DNER: variants seen among roughly 807,000 people sequenced by gnomAD.
DNER encodes the protein delta and Notch-like epidermal growth factor-related receptor.
In DNER, 33 loss-of-function variants were observed where a neutral mutation model predicts 78.2. That is an observed-to-expected ratio of 0.42 (90% CI 0.32 to 0.56). DNER has a LOEUF of 0.56. Among genes scored for constraint, DNER ranks in the 20% least tolerant of loss-of-function variants. DNER has a pLI of 0.11. For missense variants in DNER, 918 were observed against 975.3 expected (o/e 0.94, Z 0.78); for synonymous variants, 417 against 384.8 (o/e 1.08, Z -0.98).
At chr2:229,635,078 G>A (rs1698504631) in intron 1 of DNER, among the ~76,000 whole-genome samples, 1 of 152,146 alleles carries the variant, frequency 6.6e-6, no homozygotes, top group South Asian at 2.1e-4. Flanking sequence ...CAGTCCATTT[G>A]TTCAAGGCAA....
intron 1 of DNER, among the ~76,000 whole-genome samples, chr2:229,683,177 A>G (rs1226385488): frequency 1.3e-5 from 2 of 152,212 alleles, no homozygotes; most frequent in Non-Finnish European, 2.9e-5. Flanking sequence ...GTTTTTACAC[A>G]TAACTTATGT....
intron 7 of DNER, among the ~76,000 whole-genome samples, chr2:229,456,668 C>T (rs1694580829): frequency 6.6e-6 from 1 of 151,986 alleles, no homozygotes; most frequent in African/African-American, 2.4e-5. Flanking sequence ...GTCCTGAAGT[C>T]ACCTCTATAG....
rs370711934 is a variant in DNER at position 229,455,389 on chromosome 2, A to C, written c.1262-7849T>G. Among the ~76,000 whole-genome samples, 7 of 152,084 alleles carry C rather than the reference A, an allele frequency of 4.6e-5. No individual in the cohort carries two copies. In the East Asian group the frequency reaches 5.8e-4, roughly 13 times the overall value. Reference sequence around the variant, plus strand: ...GACACATGTGGTCAATAAATGTCGGATTCTTTTCCCTTTAAACGGTGGTTC... The same window carrying C: ...GACACATGTGGTCAATAAATGTCGGCTTCTTTTCCCTTTAAACGGTGGTTC... On this transcript the variant is annotated intron_variant, in intron 7 of 12. Transcript: ENST00000341772.
chr2:229,571,506 C>T (rs556360090), intron 4 of DNER, among the ~76,000 whole-genome samples: 30 of 152,168 alleles, frequency 2.0e-4, no homozygotes, highest in African/African-American at 6.0e-4. Context: ...CTGCTCCCCA[C>T]GCCTTCTCTC....
intron 6 of DNER, among the ~76,000 whole-genome samples, chr2:229,496,902 G>A (rs1298738849): frequency 6.6e-6 from 1 of 152,104 alleles, no homozygotes; most frequent in Non-Finnish European, 1.5e-5. Context: ...TATACAGACA[G>A]AAAATCAATA....
At chr2:229,527,716 T>G (rs767569980) in intron 5 of DNER, among the ~76,000 whole-genome samples, 2 of 152,230 alleles carry the variant, frequency 1.3e-5, no homozygotes, top group South Asian at 2.1e-4. Context: ...AAGCAAAAAC[T>G]TCATAATAAC....
At chr2:229,472,831 A>G (rs1468941308) in intron 7 of DNER, among the ~76,000 whole-genome samples, 1 of 152,242 alleles carries the variant, frequency 6.6e-6, no homozygotes, top group African/African-American at 2.4e-5. Context: ...CCCAATATGA[A>G]CCTAGTAAAA....
chr2:229,562,260 C>G (rs1312666888), intron 4 of DNER, among the ~76,000 whole-genome samples: 1 of 152,088 alleles, frequency 6.6e-6, no homozygotes, highest in Admixed American at 6.5e-5. Context: ...TCAGCTACTA[C>G]TTAGAGTCAT....
rs150861082 is a variant in DNER at position 229,653,964 on chromosome 2, C to CATT, written c.276+60181_276+60183dup. 5.2e-3 allele frequency among the ~76,000 whole-genome samples: 788 copies of CATT among 151,842 alleles called. 6 individuals are homozygous for CATT. The highest frequency in any genetic ancestry group is 0.016 in the African/African-American group (683 of 41,456). On this transcript the variant is annotated intron_variant, in intron 1 of 12. Transcript: ENST00000341772. ...GGACGTTCAGCAAGGTTGTCTTTTT[C>CATT]ATTATTATTATTATTATTATACTTT...
intron 7 of DNER, among the ~76,000 whole-genome samples, chr2:229,449,493 A>G (rs191811605): frequency 3.3e-5 from 5 of 152,268 alleles, no homozygotes; most frequent in Non-Finnish European, 7.4e-5. Context: ...AATTTTGAGA[A>G]ATGAATTGAC....
chr2:229,406,135 C>A (rs1342619432), intron 10 of DNER, among the ~76,000 whole-genome samples: 2 of 152,168 alleles, frequency 1.3e-5, no homozygotes, highest in Admixed American at 6.5e-5. Context: ...GATGAGGCTC[C>A]CCTGGGATGG....
chr2:229,623,105 C>T (rs1272334527), intron 1 of DNER, among the ~76,000 whole-genome samples: 1 of 152,140 alleles, frequency 6.6e-6, no homozygotes, highest in Non-Finnish European at 1.5e-5. Flanking sequence ...TTCCTTTCTG[C>T]CTGACCTTTG....
At chr2:229,561,284 T>G (rs1696955335) in intron 4 of DNER, among the ~76,000 whole-genome samples, 1 of 152,170 alleles carries the variant, frequency 6.6e-6, no homozygotes, top group South Asian at 2.1e-4. Flanking sequence ...GCCAAATGAC[T>G]ATGAAAATTA....
chr2:229,618,162 G>GT (rs1698197933), intron 1 of DNER, among the ~76,000 whole-genome samples: 1 of 152,148 alleles, frequency 6.6e-6, no homozygotes, highest in African/African-American at 2.4e-5. Context: ...CATAATGGCT[G>GT]TTTTTTTAAT....
chr2:229,637,142 C>T (rs561239888), intron 1 of DNER, among the ~76,000 whole-genome samples: 2 of 152,286 alleles, frequency 1.3e-5, no homozygotes, highest in African/African-American at 2.4e-5. Context: ...CCCCAACCCA[C>T]TCCCATCCCC....
At chr2:229,659,757 T>G (rs1285513335) in intron 1 of DNER, among the ~76,000 whole-genome samples, 1 of 152,190 alleles carries the variant, frequency 6.6e-6, no homozygotes, top group Non-Finnish European at 1.5e-5. Context: ...TTACTATTGT[T>G]TAATAGGATA....
intron 6 of DNER, among the ~76,000 whole-genome samples, chr2:229,499,762 G>A (rs2894684): frequency 0.12 from 18,957 of 151,930 alleles, 1,305 homozygotes; most frequent in South Asian, 0.2. Flanking sequence ...CAAAAGAAGC[G>A]ATCAATGGAG....
At chr2:229,409,965 T>C (rs1693473742) in intron 9 of DNER, among the ~76,000 whole-genome samples, 1 of 152,184 alleles carries the variant, frequency 6.6e-6, no homozygotes, top group Non-Finnish European at 1.5e-5. Flanking sequence ...TGGACACTAC[T>C]GATGTGCCAA....
At chr2:229,666,366 A>G (rs1328954988) in intron 1 of DNER, among the ~76,000 whole-genome samples, 1 of 152,202 alleles carries the variant, frequency 6.6e-6, no homozygotes, top group Non-Finnish European at 1.5e-5. Flanking sequence ...GCACAGGTGC[A>G]GTAAAACAAG....
Sources: allele counts gnomAD v4.1 joint callset (sites outside exome capture counted in the v4.1 genomes callset), GRCh38; gene constraint gnomAD v4.1.1; transcripts MANE v1.5; gene names NCBI Gene and HGNC (gene_info 2026-07-23, HGNC 2026-07-21).